Variants in CAB39L observed in about 807,000 individuals in gnomAD.
CAB39L encodes the protein calcium-binding protein 39-like.
CAB39L carries 23 observed loss-of-function variants against 39.1 expected under a neutral mutation model. The ratio of observed to expected loss-of-function variants is 0.59; its 90% CI spans 0.42 to 0.83. The LOEUF is 0.83. Among genes scored for constraint, CAB39L ranks in the 40% least tolerant of loss-of-function variants. The pLI, the probability that CAB39L is intolerant of heterozygous loss-of-function variation, is 0.00. For synonymous variants in CAB39L, 126 were observed against 137.2 expected (o/e 0.92, Z 0.57); for missense variants, 366 against 391.9 (o/e 0.93, Z 0.56).
rs1343067625 is a variant in CAB39L, at chr13:49,308,937, T to G, written c.*1877A>C. On this transcript the variant is annotated 3_prime_UTR_variant, in exon 11 of 11. Coordinates refer to ENST00000409308, the MANE Select transcript of CAB39L (RefSeq NM_001079670.3). ...GCAAGCCCAAAGGAAATAAAATGTT[T>G]TCTTTATCAGAAAAGAATAATAACA... The G allele has an allele frequency of 6.6e-6, 1 of 152,206 alleles. No homozygotes were observed. Among genetic ancestry groups the G allele is most frequent in the Non-Finnish European group, 1.5e-5 (1 of 68,026 alleles). The allele number at this position is 152,206 out of a possible 1,614,324, so 9.4% of individuals were successfully genotyped here. A position where few individuals can be genotyped will look rare whatever the true frequency, so the allele number is the denominator to read the frequency against.
chr13:49,313,220 GC>G (rs1352542545), intron 10 of CAB39L, among the ~76,000 whole-genome samples: 1 of 152,160 alleles, frequency 6.6e-6, no homozygotes, highest in Non-Finnish European at 1.5e-5. Flanking sequence ...GGTGGCTCAT[GC>G]CTGTAATCCT....
At chr13:49,343,346 A>C (rs1955055958) in intron 8 of CAB39L, among the ~76,000 whole-genome samples, 1 of 152,160 alleles carries the variant, frequency 6.6e-6, no homozygotes, top group Non-Finnish European at 1.5e-5. Flanking sequence ...CCTATGATTC[A>C]GGTATTATTA....
At chr13:49,374,491 C>T (rs1956005542) in intron 5 of CAB39L, among the ~76,000 whole-genome samples, 3 of 152,054 alleles carry the variant, frequency 2.0e-5, no homozygotes, top group Non-Finnish European at 4.4e-5. Context: ...ATGTACAAGT[C>T]TATTTTAGGC....
At chr13:49,350,982 G>T in intron 6 of CAB39L, 70 bp from the exon 7 acceptor site, 1 of 1,198,690 alleles carries the variant, frequency 8.3e-7, no homozygotes, top group Non-Finnish European at 1.1e-6. Flanking sequence ...GGCATCAAAA[G>T]AACCATTTCA....
At chr13:49,438,364 T>G (rs1666614058) in intron 1 of CAB39L, among the ~76,000 whole-genome samples, 1 of 152,232 alleles carries the variant, frequency 6.6e-6, no homozygotes, top group African/African-American at 2.4e-5. Context: ...TATCCTCATC[T>G]TTTAATCTTG....
At chr13:49,361,962 C>T (rs1208988224) in intron 5 of CAB39L, among the ~76,000 whole-genome samples, 4 of 152,062 alleles carry the variant, frequency 2.6e-5, no homozygotes, top group Non-Finnish European at 5.9e-5. Flanking sequence ...CAGGTATTAT[C>T]CAATTTTCAC....
intron 5 of CAB39L, among the ~76,000 whole-genome samples, chr13:49,375,018 T>C (rs1376123557): frequency 6.6e-6 from 1 of 151,830 alleles, no homozygotes; most frequent in East Asian, 1.9e-4. Context: ...CAACTAAATC[T>C]AAAAAAAATC....
intron 4 of CAB39L, among the ~76,000 whole-genome samples, chr13:49,379,821 T>G (rs1476282594): frequency 6.6e-6 from 1 of 151,860 alleles, no homozygotes; most frequent in Admixed American, 6.6e-5. Flanking sequence ...GTATTTCTAC[T>G]TAGTCAACAT....
At chr13:49,328,921 T>C (rs906766941) in intron 10 of CAB39L, among the ~76,000 whole-genome samples, 2 of 152,194 alleles carry the variant, frequency 1.3e-5, no homozygotes, top group African/African-American at 2.4e-5. Context: ...CAGCCTCTTA[T>C]TTTCTCTTCT....
intron 3 of CAB39L, among the ~76,000 whole-genome samples, chr13:49,388,116 G>GT (rs1189481335): frequency 3.3e-5 from 5 of 152,152 alleles, no homozygotes; most frequent in Non-Finnish European, 7.3e-5. Flanking sequence ...TATAGAGTGT[G>GT]TATGGATACA....
chr13:49,358,612 G>A (rs1465492621), intron 6 of CAB39L, among the ~76,000 whole-genome samples: 1 of 152,212 alleles, frequency 6.6e-6, no homozygotes, highest in Non-Finnish European at 1.5e-5. Context: ...TGTAATTCCA[G>A]CACTTTGGGA....
chr13:49,389,786 C>T (rs941991750), intron 3 of CAB39L, among the ~76,000 whole-genome samples: 1 of 152,162 alleles, frequency 6.6e-6, no homozygotes, highest in African/African-American at 2.4e-5. Flanking sequence ...TTGCAGTTAT[C>T]ACCCATCCTT....
At chr13:49,372,952 C>T (rs2138551132) in intron 5 of CAB39L, among the ~76,000 whole-genome samples, 1 of 152,338 alleles carries the variant, frequency 6.6e-6, no homozygotes, top group East Asian at 1.9e-4. Flanking sequence ...GGATTACAGG[C>T]ATGAGCCACT....
intron 4 of CAB39L, among the ~76,000 whole-genome samples, chr13:49,378,586 T>G (rs1295202593): frequency 1.8e-4 from 8 of 45,376 alleles, no homozygotes; most frequent in Admixed American, 3.7e-4. Flanking sequence ...GGGAGGGAGG[T>G]GGGGGGGTCA....
intron 10 of CAB39L, among the ~76,000 whole-genome samples, chr13:49,321,636 G>A (rs912095319): frequency 2.0e-5 from 3 of 152,174 alleles, no homozygotes; most frequent in African/African-American, 7.2e-5. Context: ...ATGTGTGGCA[G>A]TGACCGACTA....
chr13:49,415,297 A>T (rs1158956858), intron 3 of CAB39L, among the ~76,000 whole-genome samples: 1 of 151,490 alleles, frequency 6.6e-6, no homozygotes, highest in Non-Finnish European at 1.5e-5. Context: ...TGGGTGGATC[A>T]TGAGGTCAAG....
chr13:49,359,952 G>A lies in CAB39L; in HGVS notation c.277-120C>T, dbSNP rs1376867824. 8.9e-6 allele frequency: 5 copies of A among 562,078 alleles called. No homozygotes were observed. The South Asian group carries it at 1.0e-4, about 11-fold the overall frequency. 34.8% of individuals were successfully genotyped at this position (562,078 alleles called of 1,614,324 possible). On this transcript the variant is annotated intron_variant, in intron 5 of 10. Transcript: ENST00000409308. Reference sequence around the variant, plus strand: ...GAAATGGTACCATCCTTTCTAATATGCAAAAAAACGTTAACTTACTCTTCC... The same window carrying A: ...GAAATGGTACCATCCTTTCTAATATACAAAAAAACGTTAACTTACTCTTCC...
intron 3 of CAB39L, among the ~76,000 whole-genome samples, chr13:49,410,523 TG>T (rs1447345665): frequency 6.6e-6 from 1 of 152,184 alleles, no homozygotes; most frequent in Non-Finnish European, 1.5e-5. Flanking sequence ...ACTTGTAAGC[TG>T]GTGCTCTGAA....
At chr13:49,386,782 C>T (rs111241497) in intron 3 of CAB39L, among the ~76,000 whole-genome samples, 3 of 151,912 alleles carry the variant, frequency 2.0e-5, no homozygotes, top group African/African-American at 4.8e-5. Flanking sequence ...ATGGCCAGCC[C>T]CACTCCATTC....
Sources: allele counts gnomAD v4.1 joint callset (sites outside exome capture counted in the v4.1 genomes callset), GRCh38; gene constraint gnomAD v4.1.1; transcripts MANE v1.5; gene names NCBI Gene and HGNC (gene_info 2026-07-23, HGNC 2026-07-21).